BBS9: variants seen among roughly 807,000 people sequenced by gnomAD.
BBS9 encodes protein PTHB1.
In BBS9, 89 loss-of-function variants were observed where a neutral mutation model predicts 117.7. The observed-to-expected ratio is 0.76, with a 90% CI of 0.64 to 0.90. The LOEUF is 0.90. Among genes scored for constraint, BBS9 ranks in the 40% least tolerant of loss-of-function variants. The pLI is 0.00. For missense variants in BBS9, 982 were observed against 1,042.2 expected, an observed-to-expected ratio of 0.94 and a Z score of 0.80; for synonymous variants, 379 against 370.9, an observed-to-expected ratio of 1.02 and a Z score of -0.25.
At position 33,535,792 on chromosome 7, in the gene BBS9, T is replaced by G. The variant is rs185072007; in HGVS notation, c.2521+1616T>G. Among the ~76,000 whole-genome samples the G allele has an allele frequency of 3.3e-3, 505 of 152,068 alleles. 3 individuals are homozygous for G. The highest frequency in any genetic ancestry group is 0.012 in the African/African-American group (496 of 41,464). On this transcript the variant is annotated intron_variant, in intron 21 of 22. Coordinates refer to ENST00000242067, the MANE Select transcript of BBS9 (RefSeq NM_198428.3). ...GAGGGAAAAGGGCAGATACATTAAT[T>G]TTACAAAAAAGAGAGAGAGAGAAAA...
chr7:33,282,777 T>C (rs987917641), intron 9 of BBS9, among the ~76,000 whole-genome samples: 1 of 152,246 alleles, frequency 6.6e-6, no homozygotes, highest in Non-Finnish European at 1.5e-5. Context: ...CACAACATTA[T>C]ATTTTAGTTT....
intron 19 of BBS9, among the ~76,000 whole-genome samples, chr7:33,440,831 A>T (rs958940104): frequency 2.0e-5 from 3 of 152,218 alleles, no homozygotes; most frequent in African/African-American, 7.2e-5. Flanking sequence ...TAGCAGTGAT[A>T]TAATTTATAA....
At chr7:33,371,172 A>T (rs1822793166) in intron 17 of BBS9, among the ~76,000 whole-genome samples, 1 of 152,216 alleles carries the variant, frequency 6.6e-6, no homozygotes, top group Admixed American at 6.5e-5. Context: ...GAATATTCAA[A>T]AAGACAGTTC....
At chr7:33,183,540 G>C (rs189570682) in intron 5 of BBS9, among the ~76,000 whole-genome samples, 14 of 152,214 alleles carry the variant, frequency 9.2e-5, no homozygotes, top group Non-Finnish European at 1.6e-4. Flanking sequence ...GCTTTTAAAT[G>C]TTACCAAAAG....
chr7:33,508,147 C>A (rs1055779865), intron 20 of BBS9, among the ~76,000 whole-genome samples: 1 of 152,166 alleles, frequency 6.6e-6, no homozygotes, highest in Non-Finnish European at 1.5e-5. Context: ...CCAGACTTAA[C>A]TTTTTATTTC....
At chr7:33,586,955 C>A (rs1861003322) in intron 21 of BBS9, among the ~76,000 whole-genome samples, 1 of 152,036 alleles carries the variant, frequency 6.6e-6, no homozygotes, top group African/African-American at 2.4e-5. Flanking sequence ...TATGCTCACT[C>A]CCTGAGTGAT....
intron 9 of BBS9, among the ~76,000 whole-genome samples, chr7:33,283,087 T>G (rs1214667404): frequency 6.6e-6 from 1 of 152,206 alleles, no homozygotes; most frequent in Non-Finnish European, 1.5e-5. Context: ...CACTAGTTCT[T>G]TTACTATTCC....
intron 21 of BBS9, among the ~76,000 whole-genome samples, chr7:33,561,913 A>G (rs1212823091): frequency 6.6e-6 from 1 of 152,234 alleles, no homozygotes. Context: ...ATTGATTCAA[A>G]GATATTACAT....
At chr7:33,359,770 C>T (rs1820288605) in intron 16 of BBS9, among the ~76,000 whole-genome samples, 1 of 151,990 alleles carries the variant, frequency 6.6e-6, no homozygotes. Flanking sequence ...ACAACTTTTA[C>T]TCTACATGTC....
chr7:33,266,882 A>G (rs1417507290), intron 7 of BBS9, among the ~76,000 whole-genome samples: 2 of 152,050 alleles, frequency 1.3e-5, no homozygotes, highest in Non-Finnish European at 2.9e-5. Flanking sequence ...AGCTGGGACT[A>G]TAGGCATGTA....
intron 19 of BBS9, among the ~76,000 whole-genome samples, chr7:33,418,649 C>G (rs1407963781): frequency 6.6e-6 from 1 of 152,160 alleles, no homozygotes; most frequent in Non-Finnish European, 1.5e-5. Flanking sequence ...GGTGGCTTCA[C>G]CCCCATGGAG....
At chr7:33,246,803 ATG>A (rs1257277754) in intron 5 of BBS9, among the ~76,000 whole-genome samples, 2 of 152,082 alleles carry the variant, frequency 1.3e-5, no homozygotes, top group East Asian at 3.9e-4. Flanking sequence ...GAATGTGAAT[ATG>A]TGTGTGTGTT....
At chr7:33,196,118 A>G (rs1157023988) in intron 5 of BBS9, among the ~76,000 whole-genome samples, 1 of 152,104 alleles carries the variant, frequency 6.6e-6, no homozygotes, top group East Asian at 1.9e-4. Flanking sequence ...AATTCTTTGG[A>G]ATAAAAGTCC....
chr7:33,232,292 A>G (rs1792611738), intron 5 of BBS9, among the ~76,000 whole-genome samples: 1 of 152,162 alleles, frequency 6.6e-6, no homozygotes, highest in African/African-American at 2.4e-5. Flanking sequence ...CAGGTAATCT[A>G]TTAATAATTT....
At chr7:33,138,487 T>C (rs568515817) in intron 1 of BBS9, among the ~76,000 whole-genome samples, 47 of 151,196 alleles carry the variant, frequency 3.1e-4, no homozygotes, top group Middle Eastern at 3.4e-3. Context: ...TCAACATTTC[T>C]CATAAGCTTT....
chr7:33,383,604 C>T, intron 17 of BBS9, 62 bp from the exon 18 acceptor site: 1 of 1,408,022 alleles, frequency 7.1e-7, no homozygotes. Context: ...AGTGATAGTT[C>T]ATGTAGCTTT....
intron 19 of BBS9, among the ~76,000 whole-genome samples, chr7:33,458,861 A>G (rs770354928): frequency 1.3e-5 from 2 of 152,156 alleles, no homozygotes; most frequent in Non-Finnish European, 2.9e-5. Flanking sequence ...ATGGGATTCC[A>G]GAAACTGTAG....
chr7:33,145,195 T>C (rs1021651515), intron 1 of BBS9, among the ~76,000 whole-genome samples: 7 of 152,224 alleles, frequency 4.6e-5, no homozygotes, highest in African/African-American at 1.7e-4. Flanking sequence ...AGAATAACTT[T>C]CGTGAATAAG....
intron 4 of BBS9, among the ~76,000 whole-genome samples, chr7:33,176,607 A>G (rs1797357704): frequency 6.6e-6 from 1 of 152,194 alleles, no homozygotes; most frequent in Admixed American, 6.6e-5. Flanking sequence ...CTCCTATATA[A>G]ATTTATAAAT....
Sources: gnomAD v4.1 joint callset for allele counts (sites outside exome capture counted in the v4.1 genomes callset) on GRCh38, gnomAD v4.1.1 for gene constraint, MANE v1.5 for transcripts, NCBI Gene and HGNC (gene_info 2026-07-23, HGNC 2026-07-21) for gene names.